Variants in XKR9 observed in about 807,000 individuals in gnomAD.
XKR9 encodes the protein XK-related protein 9.
In XKR9, 32 loss-of-function variants were observed where a neutral mutation model predicts 32.0. The observed-to-expected ratio is 1.00, with a 90% CI of 0.76 to 1.34. The LOEUF (loss-of-function observed/expected upper bound fraction) is 1.34. Ranked by LOEUF, XKR9 falls within the 40% of genes most tolerant of loss-of-function variation. The pLI is 0.00. For missense variants in XKR9, 546 were observed against 429.7 expected (o/e 1.27, Z -2.39); for synonymous variants, 168 against 143.4 (o/e 1.17, Z -1.22).
the XKR9 span, among the ~76,000 whole-genome samples, chr8:71,011,687 G>T: frequency 5.9e-5 from 9 of 152,108 alleles, no homozygotes; most frequent in Admixed American, 5.9e-4. Flanking sequence ...GTCTTTAGCT[G>T]GAACTCTGGA....
At chr8:70,930,756 G>C in the XKR9 span, among the ~76,000 whole-genome samples, 4 of 152,254 alleles carry the variant, frequency 2.6e-5, no homozygotes, top group East Asian at 7.7e-4. Context: ...TGGTAATGGG[G>C]TATAAATCCT....
At chr8:70,692,999 G>GT (rs1165845651) in intron 3 of XKR9, among the ~76,000 whole-genome samples, 1 of 152,188 alleles carries the variant, frequency 6.6e-6, no homozygotes, top group Non-Finnish European at 1.5e-5. Context: ...AGATTGTGTG[G>GT]TTTTTGTCTT....
chr8:70,780,509 C>T (rs1045624844), intron 2 of XKR9, among the ~76,000 whole-genome samples: 1 of 151,964 alleles, frequency 6.6e-6, no homozygotes, highest in African/African-American at 2.4e-5. Context: ...ACATAATGTT[C>T]AGTCTTCACA....
the XKR9 span, among the ~76,000 whole-genome samples, chr8:70,805,179 G>A: frequency 3.3e-5 from 5 of 152,178 alleles, no homozygotes; most frequent in Non-Finnish European, 7.4e-5. Flanking sequence ...AGCCACACAG[G>A]GCAGGGGAAT....
At chr8:70,863,117 C>A in the XKR9 span, among the ~76,000 whole-genome samples, 1 of 152,008 alleles carries the variant, frequency 6.6e-6, no homozygotes, top group Non-Finnish European at 1.5e-5. Flanking sequence ...GAGACTAGAG[C>A]CTTGAGGGCT....
At chr8:70,769,750 G>C (rs1807427914) in intron 2 of XKR9, among the ~76,000 whole-genome samples, 1 of 151,472 alleles carries the variant, frequency 6.6e-6, no homozygotes, top group Non-Finnish European at 1.5e-5. Context: ...ACTTGTGTGT[G>C]CTTCACAAAG....
chr8:70,800,018 A>C, the XKR9 span, among the ~76,000 whole-genome samples: 4 of 152,122 alleles, frequency 2.6e-5, no homozygotes, highest in Non-Finnish European at 5.9e-5. Flanking sequence ...GGCTCTTACT[A>C]TTTTAAGGTA....
At chr8:70,961,285 T>C in the XKR9 span, among the ~76,000 whole-genome samples, 3 of 152,198 alleles carry the variant, frequency 2.0e-5, no homozygotes, top group Non-Finnish European at 1.5e-5. Flanking sequence ...AAATGTCCTC[T>C]CTAATACCAT....
At chr8:70,813,858 G>A in the XKR9 span, among the ~76,000 whole-genome samples, 2 of 152,188 alleles carry the variant, frequency 1.3e-5, no homozygotes, top group Non-Finnish European at 2.9e-5. Context: ...TTGTAAACTA[G>A]TTCAACCATT....
intron 3 of XKR9, among the ~76,000 whole-genome samples, chr8:70,697,759 G>A (rs1805339960): frequency 6.6e-6 from 1 of 151,826 alleles, no homozygotes; most frequent in Admixed American, 6.6e-5. Flanking sequence ...AGAAGGAATG[G>A]TACCAGTTCC....
At chr8:71,041,565 G>T in the XKR9 span, among the ~76,000 whole-genome samples, 1 of 152,116 alleles carries the variant, frequency 6.6e-6, no homozygotes, top group Admixed American at 6.5e-5. Flanking sequence ...TTGGCTCTGT[G>T]TCCCCACCCA....
chr8:70,815,443 A>C, the XKR9 span, among the ~76,000 whole-genome samples: 2 of 152,224 alleles, frequency 1.3e-5, no homozygotes, highest in South Asian at 4.1e-4. Context: ...CTGTTCCTGC[A>C]TTAGTTTGCT....
At chr8:70,901,768 C>G in the XKR9 span, among the ~76,000 whole-genome samples, 1 of 152,060 alleles carries the variant, frequency 6.6e-6, no homozygotes, top group Non-Finnish European at 1.5e-5. Context: ...TGCCTAGGTT[C>G]TCTTCAAGGG....
At chr8:70,907,904 G>T in the XKR9 span, among the ~76,000 whole-genome samples, 3 of 152,142 alleles carry the variant, frequency 2.0e-5, no homozygotes, top group African/African-American at 7.2e-5. Context: ...AAAATAATTT[G>T]TTCCAGAGTT....
At chr8:70,855,062 G>A in the XKR9 span, among the ~76,000 whole-genome samples, 2 of 152,106 alleles carry the variant, frequency 1.3e-5, no homozygotes, top group Non-Finnish European at 2.9e-5. Context: ...TGTGAAGAAA[G>A]TCATTGGTAG....
At chr8:70,690,324 C>G (rs1470984347) in intron 3 of XKR9, among the ~76,000 whole-genome samples, 1 of 152,014 alleles carries the variant, frequency 6.6e-6, no homozygotes. Context: ...TAAGTTCTTA[C>G]AATTTAGCTC....
At chr8:70,883,534 G>T in the XKR9 span, among the ~76,000 whole-genome samples, 6 of 152,120 alleles carry the variant, frequency 3.9e-5, no homozygotes, top group African/African-American at 1.2e-4. Context: ...TCTATTTTTA[G>T]TTCCTTAAGG....
At chr8:70,811,971 T>G in the XKR9 span, among the ~76,000 whole-genome samples, 13 of 152,058 alleles carry the variant, frequency 8.5e-5, no homozygotes, top group East Asian at 3.8e-4. Context: ...TACCAAAGCC[T>G]GGCAGAGACA....
At chr8:70,681,819 A>G (rs368980188) in intron 3 of XKR9, among the ~76,000 whole-genome samples, 1 of 152,108 alleles carries the variant, frequency 6.6e-6, no homozygotes, top group South Asian at 2.1e-4. Flanking sequence ...TAGAGAAACG[A>G]GACTCTAAAT....
Sources: allele counts gnomAD v4.1 joint callset (sites outside exome capture counted in the v4.1 genomes callset), GRCh38; gene constraint gnomAD v4.1.1; transcripts MANE v1.5; gene names NCBI Gene and HGNC (gene_info 2026-07-23, HGNC 2026-07-21).